C8orf34: variants seen among roughly 807,000 people sequenced by gnomAD.
C8orf34 encodes uncharacterized protein C8orf34.
C8orf34 carries 65 observed loss-of-function variants against 68.3 expected under a neutral mutation model. That is an observed-to-expected ratio of 0.95 (90% CI 0.78 to 1.17). The LOEUF (loss-of-function observed/expected upper bound fraction) is 1.17. Ranked by LOEUF, C8orf34 falls within the 50% of genes most tolerant of loss-of-function variation. The pLI, the probability that C8orf34 is intolerant of heterozygous loss-of-function variation, is 0.00. For missense variants in C8orf34, 664 were observed against 655.4 expected (o/e 1.01, Z -0.14); for synonymous variants, 244 against 241.2 (o/e 1.01, Z -0.11).
At chr8:68,594,193 AT>A (rs1487339206) in intron 7 of C8orf34, among the ~76,000 whole-genome samples, 1 of 151,912 alleles carries the variant, frequency 6.6e-6, no homozygotes, top group Non-Finnish European at 1.5e-5. Context: ...GATCTTGGGT[AT>A]AGTAAAGGTG....
intron 10 of C8orf34, among the ~76,000 whole-genome samples, chr8:68,774,977 C>A (rs1387326581): frequency 1.2e-5 from 1 of 82,378 alleles, no homozygotes; most frequent in African/African-American, 6.5e-5. Flanking sequence ...ATTAGCTGGG[C>A]GGGGTGGCAC....
chr8:68,612,098 C>T (rs942361908), intron 7 of C8orf34, among the ~76,000 whole-genome samples: 1 of 152,014 alleles, frequency 6.6e-6, no homozygotes, highest in African/African-American at 2.4e-5. Flanking sequence ...TGATGGAACG[C>T]TCTTCCCATA....
At chr8:68,347,251 A>T (rs1806322211) in intron 1 of C8orf34, among the ~76,000 whole-genome samples, 1 of 152,082 alleles carries the variant, frequency 6.6e-6, no homozygotes, top group South Asian at 2.1e-4. Context: ...GCTAAGGATA[A>T]TAGGCTCCAG....
chr8:68,655,338 A>G (rs1819481538), intron 8 of C8orf34, among the ~76,000 whole-genome samples: 1 of 152,216 alleles, frequency 6.6e-6, no homozygotes, highest in African/African-American at 2.4e-5. Flanking sequence ...AAGGCAATAA[A>G]TCTCTCAGTT....
At chr8:68,452,301 T>C (rs540344237) in intron 3 of C8orf34, among the ~76,000 whole-genome samples, 3 of 151,558 alleles carry the variant, frequency 2.0e-5, no homozygotes, top group South Asian at 2.1e-4. Flanking sequence ...ATGATAATTC[T>C]ATGTGTAACT....
At chr8:68,470,805 C>T (rs967541471) in intron 4 of C8orf34, among the ~76,000 whole-genome samples, 5 of 151,926 alleles carry the variant, frequency 3.3e-5, no homozygotes, top group Non-Finnish European at 7.4e-5. Context: ...GGCAGTAATC[C>T]CAATCATGAG....
At chr8:68,660,772 A>G (rs1819648370) in intron 8 of C8orf34, among the ~76,000 whole-genome samples, 1 of 152,180 alleles carries the variant, frequency 6.6e-6, no homozygotes, top group Non-Finnish European at 1.5e-5. Context: ...ACGGAGAGAA[A>G]AGGGAGTCCT....
intron 7 of C8orf34, among the ~76,000 whole-genome samples, chr8:68,537,463 T>A (rs551895211): frequency 1.5e-3 from 219 of 145,808 alleles, no homozygotes; most frequent in African/African-American, 5.7e-3. Context: ...CTTTTTATTT[T>A]CTTTTTTTTT....
chr8:68,775,216 A>G (rs1485249143), intron 10 of C8orf34, among the ~76,000 whole-genome samples: 1 of 152,070 alleles, frequency 6.6e-6, no homozygotes, highest in Non-Finnish European at 1.5e-5. Context: ...TCTTGCCCTC[A>G]ATGAGATAAT....
At chr8:68,548,784 G>A (rs954533021) in intron 7 of C8orf34, among the ~76,000 whole-genome samples, 5 of 151,694 alleles carry the variant, frequency 3.3e-5, no homozygotes, top group African/African-American at 1.2e-4. Context: ...CAATCATCAG[G>A]AGAATATGTA....
chr8:68,600,198 A>G (rs140333428), intron 7 of C8orf34, among the ~76,000 whole-genome samples: 2 of 152,048 alleles, frequency 1.3e-5, no homozygotes, highest in Non-Finnish European at 2.9e-5. Flanking sequence ...ATCACAGTCT[A>G]CAGGTATTGA....
intron 1 of C8orf34, among the ~76,000 whole-genome samples, chr8:68,353,599 T>TAC (rs1228121407): frequency 2.1e-5 from 3 of 146,172 alleles, no homozygotes; most frequent in South Asian, 4.2e-4. Flanking sequence ...TGTATATATA[T>TAC]ACACACACAT....
At chr8:68,756,362 A>G (rs1433859456) in intron 10 of C8orf34, among the ~76,000 whole-genome samples, 1 of 152,194 alleles carries the variant, frequency 6.6e-6, no homozygotes, top group Non-Finnish European at 1.5e-5. Flanking sequence ...GTGTAACTCT[A>G]CTGAACTTCT....
intron 8 of C8orf34, among the ~76,000 whole-genome samples, chr8:68,685,519 T>C (rs1310354540): frequency 1.3e-5 from 2 of 152,096 alleles, no homozygotes; most frequent in African/African-American, 4.8e-5. Context: ...ACTCAAACAA[T>C]TTCCAAGTTG....
chr8:68,550,607 T>C (rs938687471), intron 7 of C8orf34, among the ~76,000 whole-genome samples: 1 of 151,830 alleles, frequency 6.6e-6, no homozygotes, highest in Non-Finnish European at 1.5e-5. Context: ...CCTACATCAT[T>C]TTCTATCTCT....
chr8:68,694,017 C>T (rs1379157495), intron 8 of C8orf34, among the ~76,000 whole-genome samples: 1 of 152,004 alleles, frequency 6.6e-6, no homozygotes, highest in East Asian at 1.9e-4. Context: ...AAGCAATATC[C>T]CCAAATACCT....
chr8:68,720,863 T>C (rs1345978141), intron 9 of C8orf34, among the ~76,000 whole-genome samples: 2 of 151,930 alleles, frequency 1.3e-5, no homozygotes, highest in Non-Finnish European at 2.9e-5. Context: ...TCTTCCTTCA[T>C]ACGTTGAAAT....
intron 1 of C8orf34, among the ~76,000 whole-genome samples, chr8:68,382,874 A>G (rs961893781): frequency 6.6e-6 from 1 of 152,188 alleles, no homozygotes; most frequent in Non-Finnish European, 1.5e-5. Context: ...TTATATTTAT[A>G]TCATATCTTC....
chr8:68,619,912 A>T (rs1412092065), intron 7 of C8orf34, among the ~76,000 whole-genome samples: 1 of 152,226 alleles, frequency 6.6e-6, no homozygotes, highest in African/African-American at 2.4e-5. Context: ...TAGGTCACAG[A>T]TAAATGTTCT....
Sources: allele counts gnomAD v4.1 joint callset (sites outside exome capture counted in the v4.1 genomes callset), GRCh38; gene constraint gnomAD v4.1.1; transcripts MANE v1.5; gene names NCBI Gene and HGNC (gene_info 2026-07-23, HGNC 2026-07-21).